Variants in CNKSR2 observed in about 807,000 individuals in gnomAD.
CNKSR2 encodes connector enhancer of kinase suppressor of Ras 2.
Under a neutral mutation model 84.4 loss-of-function variants are expected in CNKSR2, and 14 were observed. The observed-to-expected ratio is 0.17, with a 90% CI of 0.11 to 0.26. CNKSR2 has a LOEUF of 0.26. Ranked by LOEUF, CNKSR2 falls within the 10% of genes least tolerant of loss-of-function variation. The pLI, the probability that CNKSR2 is intolerant of heterozygous loss-of-function variation, is 1.00. For synonymous variants in CNKSR2, 275 were observed against 277.9 expected (o/e 0.99, Z 0.10); for missense variants, 485 against 771.2 (o/e 0.63, Z 4.40).
intron 13 of CNKSR2, among the ~76,000 whole-genome samples, chrX:21,585,147 G>A (rs903690051): frequency 3.7e-5 from 4 of 108,334 alleles, no homozygotes; most frequent in South Asian, 4.0e-4. Context: ...GAAGGCCAAG[G>A]TGGGAGGATC....
At chrX:21,399,258 C>G (rs1209191279) in intron 1 of CNKSR2, among the ~76,000 whole-genome samples, 1 of 111,312 alleles carries the variant, frequency 9.0e-6, no homozygotes, top group East Asian at 2.8e-4. Flanking sequence ...CTTAATATGA[C>G]TTCAACATAC....
At chrX:21,421,287 G>GTTTTTT (rs756375947) in intron 1 of CNKSR2, among the ~76,000 whole-genome samples, 1 of 86,939 alleles carries the variant, frequency 1.2e-5, no homozygotes, top group African/African-American at 4.1e-5. Context: ...ATTTAAGATG[G>GTTTTTT]TTTTTTTTTT....
chrX:21,397,753 T>A (rs1233769391), intron 1 of CNKSR2, among the ~76,000 whole-genome samples: 3 of 111,312 alleles, frequency 2.7e-5, no homozygotes, highest in Non-Finnish European at 5.7e-5. Flanking sequence ...TTTTGAATGG[T>A]CCCAACACAA....
At chrX:21,452,430 AT>A (rs35753389) in intron 4 of CNKSR2, among the ~76,000 whole-genome samples, 54 of 111,766 alleles carry the variant, frequency 4.8e-4, no homozygotes, top group African/African-American at 1.7e-3. Context: ...TAACCTTGAC[AT>A]TTTTACTTCA....
intron 11 of CNKSR2, among the ~76,000 whole-genome samples, chrX:21,540,177 T>C (rs890637158): frequency 8.9e-6 from 1 of 112,149 alleles, no homozygotes; most frequent in Non-Finnish European, 1.9e-5. Context: ...GCCTAGGAAA[T>C]AAAGTCTCAT....
intron 20 of CNKSR2, among the ~76,000 whole-genome samples, chrX:21,632,382 T>A (rs952029395): frequency 1.8e-5 from 2 of 111,776 alleles, no homozygotes; most frequent in Admixed American, 1.9e-4. Context: ...AGGCCTTGGT[T>A]CCCAAGGCCT....
At chrX:21,452,057 G>A (rs376164724) in intron 4 of CNKSR2, among the ~76,000 whole-genome samples, 2 of 111,055 alleles carry the variant, frequency 1.8e-5, no homozygotes, top group East Asian at 5.7e-4. Flanking sequence ...AGGGATTACA[G>A]TCTCAATCTA....
chrX:21,520,398 A>G (rs977062532), intron 9 of CNKSR2, among the ~76,000 whole-genome samples: 3 of 110,654 alleles, frequency 2.7e-5, no homozygotes, highest in African/African-American at 6.5e-5. Flanking sequence ...TTTTCAAAAC[A>G]TCTTTTCAGT....
chrX:21,448,714 T>G (rs1199260737), intron 4 of CNKSR2, among the ~76,000 whole-genome samples: 1 of 111,627 alleles, frequency 9.0e-6, no homozygotes, highest in Non-Finnish European at 1.9e-5. Flanking sequence ...TAATATTACT[T>G]TTAATGGCAA....
intron 4 of CNKSR2, among the ~76,000 whole-genome samples, chrX:21,446,687 G>C (rs1018388395): frequency 9.0e-6 from 1 of 111,176 alleles, no homozygotes; most frequent in African/African-American, 3.3e-5. Context: ...TGTTATCAGA[G>C]TCGCCCTGCC....
intron 1 of CNKSR2, among the ~76,000 whole-genome samples, chrX:21,413,393 T>C (rs1283497968): frequency 9.0e-6 from 1 of 110,700 alleles, no homozygotes; most frequent in East Asian, 2.8e-4. Flanking sequence ...TGTGAAATAA[T>C]CACATCATGG....
At chrX:21,647,298 T>C (rs1196438317) in intron 20 of CNKSR2, among the ~76,000 whole-genome samples, 4 of 112,194 alleles carry the variant, frequency 3.6e-5, no homozygotes, top group Non-Finnish European at 7.5e-5. Context: ...TTAACTTCAG[T>C]AGCAGAGCCA....
At chrX:21,597,127 T>A (rs1477113420) in intron 17 of CNKSR2, among the ~76,000 whole-genome samples, 1 of 111,813 alleles carries the variant, frequency 8.9e-6, no homozygotes, top group African/African-American at 3.2e-5. Flanking sequence ...TACAATGTAA[T>A]CATTCACAAT....
chrX:21,592,769 T>C (rs966707310), intron 15 of CNKSR2: 18 of 111,283 alleles, frequency 1.6e-4, no homozygotes, highest in East Asian at 8.4e-4. Context: ...GTGTGTCTTA[T>C]TTTAAATGTA....
chrX:21,424,397 C>G (rs1443820476), intron 1 of CNKSR2: 1 of 111,389 alleles, frequency 9.0e-6, no homozygotes, highest in East Asian at 2.8e-4. Flanking sequence ...TAACACTTGT[C>G]TGTCGTGCCT....
chrX:21,422,587 T>G (rs1601769664), intron 1 of CNKSR2, among the ~76,000 whole-genome samples: 2 of 112,693 alleles, frequency 1.8e-5, no homozygotes, highest in East Asian at 2.8e-4. Flanking sequence ...CAATACAATG[T>G]AATTTTTTTA....
At chrX:21,490,781 T>C (rs1213749473) in intron 6 of CNKSR2, 4 of 276,276 alleles carry the variant, frequency 1.4e-5, no homozygotes, top group East Asian at 6.3e-5. Context: ...TGAAGGAGAA[T>C]TGAAAATGGT....
At chrX:21,647,551 G>A (rs2092709563) in intron 20 of CNKSR2, among the ~76,000 whole-genome samples, 1 of 111,598 alleles carries the variant, frequency 9.0e-6, no homozygotes, top group Non-Finnish European at 1.9e-5. Flanking sequence ...TGGATTCTGG[G>A]GTCAGACTGC....
chrX:21,444,481 A>G (rs2090825722), intron 4 of CNKSR2, among the ~76,000 whole-genome samples: 1 of 111,406 alleles, frequency 9.0e-6, no homozygotes, highest in East Asian at 2.8e-4. Flanking sequence ...ATTACTTCAT[A>G]TCTCTGATAT....
Sources: gnomAD v4.1 joint callset for allele counts (sites outside exome capture counted in the v4.1 genomes callset) on GRCh38, gnomAD v4.1.1 for gene constraint, MANE v1.5 for transcripts, NCBI Gene and HGNC (gene_info 2026-07-23, HGNC 2026-07-21) for gene names.